The following RYR3 variants were observed in gnomAD, a reference collection of about 807,000 sequenced individuals.
RYR3 encodes the protein brain ryanodine receptor-calcium release channel.
Under a neutral mutation model 584.3 loss-of-function variants are expected in RYR3, and 207 were observed. The ratio of observed to expected loss-of-function variants is 0.35; its 90% CI spans 0.32 to 0.40. The LOEUF is 0.40. Ranked by LOEUF, RYR3 falls within the 10% of genes least tolerant of loss-of-function variation. The probability of loss-of-function intolerance (pLI) is 1.00; values close to 1 mark genes in which losing one functional copy is unlikely to be tolerated. For missense variants in RYR3, 5,616 were observed against 6,089.2 expected, an observed-to-expected ratio of 0.92 and a Z score of 2.59; for synonymous variants, 2,416 against 2,248.5, an observed-to-expected ratio of 1.07 and a Z score of -2.11.
chr15:33,631,943 C>T (rs2050238984), intron 23 of RYR3, among the ~76,000 whole-genome samples: 2 of 152,236 alleles, frequency 1.3e-5, no homozygotes, highest in Admixed American at 1.3e-4. Context: ...TCCTCTTAAA[C>T]TTCCAAGATC....
intron 1 of RYR3, among the ~76,000 whole-genome samples, chr15:33,353,926 G>A (rs1973617694): frequency 6.6e-6 from 1 of 152,120 alleles, no homozygotes; most frequent in South Asian, 2.1e-4. Flanking sequence ...TTTTAACTCT[G>A]GGGAATGGAA....
chr15:33,577,964 G>A (rs2058384334), intron 12 of RYR3, among the ~76,000 whole-genome samples: 1 of 152,114 alleles, frequency 6.6e-6, no homozygotes, highest in Admixed American at 6.6e-5. Context: ...TAAACAGACA[G>A]TTCTCAAAAG....
intron 96 of RYR3, among the ~76,000 whole-genome samples, chr15:33,854,137 A>T (rs892570047): frequency 6.6e-6 from 1 of 151,330 alleles, no homozygotes; most frequent in African/African-American, 2.4e-5. Flanking sequence ...TGGAGGTTGC[A>T]GTAAGCCAAG....
intron 15 of RYR3, 110 bp downstream of exon 15, chr15:33,584,600 C>G (rs1252164643): frequency 1.7e-6 from 1 of 576,776 alleles, no homozygotes; most frequent in East Asian, 3.0e-5. Flanking sequence ...AAACAATCCT[C>G]AAATCATACT....
intron 1 of RYR3, among the ~76,000 whole-genome samples, chr15:33,444,355 T>C (rs2046451428): frequency 6.6e-6 from 1 of 152,240 alleles, no homozygotes; most frequent in Non-Finnish European, 1.5e-5. Flanking sequence ...TTTATTTTGC[T>C]AATTTCATTT....
Position 33,840,524 on chromosome 15 carries a change from C to A in RYR3, c.12979-301C>A, listed in dbSNP as rs2078292180. 7.5e-6 allele frequency: 3 copies of A among 402,306 alleles called. No individual in the cohort carries two copies. The South Asian group carries it at 1.0e-4, about 14-fold the overall frequency. 24.9% of individuals were successfully genotyped at this position (402,306 alleles called of 1,614,324 possible). Reference sequence around the variant, plus strand: ...ATCTGTGTCCCATGTCTTTCTGACCCTGTGGAGCAGTAGAACCACCGCCTT... The same window carrying A: ...ATCTGTGTCCCATGTCTTTCTGACCATGTGGAGCAGTAGAACCACCGCCTT... On this transcript the variant is annotated intron_variant, in intron 89 of 103. Transcript: ENST00000634891.
chr15:33,553,746 G>A (rs1413621609), intron 10 of RYR3, among the ~76,000 whole-genome samples: 2 of 152,128 alleles, frequency 1.3e-5, no homozygotes, highest in African/African-American at 2.4e-5. Context: ...GTGGTGTTGT[G>A]TAAGACAAAG....
intron 1 of RYR3, among the ~76,000 whole-genome samples, chr15:33,321,176 G>A (rs1968910877): frequency 6.6e-6 from 1 of 152,216 alleles, no homozygotes; most frequent in African/African-American, 2.4e-5. Flanking sequence ...TTGCTTTGGG[G>A]AGACATTTTT....
At chr15:33,775,953 A>G (rs529649357) in intron 64 of RYR3, among the ~76,000 whole-genome samples, 1 of 152,224 alleles carries the variant, frequency 6.6e-6, no homozygotes, top group Non-Finnish European at 1.5e-5. Context: ...TTTGGTTTTC[A>G]TATTTTATGG....
chr15:33,633,277 G>A (rs1026458608), intron 24 of RYR3, among the ~76,000 whole-genome samples, 169 bp downstream of exon 24: 1 of 152,236 alleles, frequency 6.6e-6, no homozygotes, highest in African/African-American at 2.4e-5. Context: ...GACAGAATTT[G>A]TAATAGTCAC....
intron 34 of RYR3, among the ~76,000 whole-genome samples, chr15:33,661,458 T>C (rs1250702603): frequency 4.6e-5 from 7 of 152,178 alleles, no homozygotes; most frequent in Non-Finnish European, 1.0e-4. Flanking sequence ...GATTGGACTT[T>C]ATACAAATGA....
At chr15:33,328,344 T>C (rs964214129) in intron 1 of RYR3, among the ~76,000 whole-genome samples, 2 of 152,190 alleles carry the variant, frequency 1.3e-5, no homozygotes, top group Non-Finnish European at 2.9e-5. Flanking sequence ...CTTTTCAAGC[T>C]TCCTATTGTT....
At chr15:33,488,364 A>G (rs2050652715) in intron 2 of RYR3, among the ~76,000 whole-genome samples, 1 of 151,572 alleles carries the variant, frequency 6.6e-6, no homozygotes, top group African/African-American at 2.4e-5. Flanking sequence ...TTTAGACCTA[A>G]TAGCTGCTAT....
chr15:33,342,105 C>T (rs2140844924), intron 1 of RYR3, among the ~76,000 whole-genome samples: 1 of 152,336 alleles, frequency 6.6e-6, no homozygotes, highest in African/African-American at 2.4e-5. Flanking sequence ...AGGATTTCTG[C>T]TTTCTACCAG....
intron 39 of RYR3, among the ~76,000 whole-genome samples, chr15:33,697,145 CTT>C (rs2065910614): frequency 6.6e-6 from 1 of 152,200 alleles, no homozygotes; most frequent in Admixed American, 6.5e-5. Flanking sequence ...TCCTACCTAA[CTT>C]TTCATCCTAC....
At chr15:33,606,319 A>G (rs1158780269) in intron 18 of RYR3, among the ~76,000 whole-genome samples, 1 of 152,228 alleles carries the variant, frequency 6.6e-6, no homozygotes, top group Non-Finnish European at 1.5e-5. Flanking sequence ...ATCGTCATCT[A>G]TGAATTGCAC....
chr15:33,613,997 T>C (rs1445686886), intron 19 of RYR3, among the ~76,000 whole-genome samples: 2 of 152,232 alleles, frequency 1.3e-5, no homozygotes, highest in African/African-American at 2.4e-5. Context: ...GCATGTGTGC[T>C]TTAAAGTCTA....
intron 1 of RYR3, among the ~76,000 whole-genome samples, chr15:33,323,837 A>G (rs111419755): frequency 3.3e-5 from 5 of 152,282 alleles, no homozygotes; most frequent in African/African-American, 1.2e-4. Flanking sequence ...AGTGCATGCC[A>G]CTTGTTCATA....
chr15:33,825,939 G>A (rs946776651), intron 82 of RYR3: 1 of 494,590 alleles, frequency 2.0e-6, no homozygotes, highest in East Asian at 3.7e-5. Flanking sequence ...TCATCATGTT[G>A]GCCAGGCTGG....
Sources: gnomAD v4.1 joint callset for allele counts (sites outside exome capture counted in the v4.1 genomes callset) on GRCh38, gnomAD v4.1.1 for gene constraint, MANE v1.5 for transcripts, NCBI Gene and HGNC (gene_info 2026-07-23, HGNC 2026-07-21) for gene names.